Variants in GSE1 observed in about 807,000 individuals in gnomAD.
GSE1 encodes the protein Gse1 coiled-coil protein, also known as genetic suppressor element 1.
Under a neutral mutation model 112.6 loss-of-function variants are expected in GSE1, and 32 were observed. That is an observed-to-expected ratio of 0.28 (90% CI 0.21 to 0.38). The LOEUF (loss-of-function observed/expected upper bound fraction) is 0.38, where lower values mean the gene tolerates loss of function less well. GSE1 is among the 10% of genes least tolerant of loss of function. GSE1 has a pLI of 1.00. For synonymous variants in GSE1, 1,115 were observed against 735.6 expected (o/e 1.52, Z -8.35); for missense variants, 2,348 against 1,699.2 (o/e 1.38, Z -6.71).
At chr16:85,324,092 G>T (rs4783161) in intron 1 of GSE1, among the ~76,000 whole-genome samples, 129,223 of 152,244 alleles carry the variant, frequency 0.85, 55,142 homozygotes, top group East Asian at 1. Context: ...TTGGAACCCT[G>T]GTGCACAGCT....
intron 2 of GSE1, among the ~76,000 whole-genome samples, chr16:85,365,393 C>T (rs1461373032): frequency 6.6e-6 from 1 of 152,254 alleles, no homozygotes; most frequent in African/African-American, 2.4e-5. Flanking sequence ...CTTCACTCTT[C>T]TCTTTTCCCT....
intron 1 of GSE1, among the ~76,000 whole-genome samples, chr16:85,618,181 C>G (rs955014688): frequency 3.3e-5 from 5 of 152,054 alleles, no homozygotes; most frequent in African/African-American, 1.2e-4. Flanking sequence ...GTAATAGTGG[C>G]TTTGGGATCA....
At chr16:85,253,572 G>T (rs993183511) in intron 1 of GSE1, among the ~76,000 whole-genome samples, 1 of 152,178 alleles carries the variant, frequency 6.6e-6, no homozygotes, top group African/African-American at 2.4e-5. Context: ...CCCTCCCAGG[G>T]CTCACTGTGC....
intron 1 of GSE1, among the ~76,000 whole-genome samples, chr16:85,272,777 CTTTT>C (rs1204820536): frequency 9.9e-5 from 13 of 131,406 alleles, no homozygotes; most frequent in African/African-American, 2.8e-4. Flanking sequence ...CTTCTCTTTT[CTTTT>C]TTTTTTTTTT....
chr16:85,654,748 G>T (rs746591206), intron 4 of GSE1, 46 bp from the exon 5 acceptor site: 138 of 1,213,386 alleles, frequency 1.1e-4, no homozygotes, highest in Non-Finnish European at 1.6e-4. Flanking sequence ...GCAGGAGCAG[G>T]TGTGCACTCA....
At chr16:85,171,297 C>A (rs911529237) in exon 1 of GSE1, 1 of 985,422 alleles carries the variant, frequency 1.0e-6, no homozygotes, top group African/African-American at 1.7e-5. Context: ...GCCCCGTGTC[C>A]ATCTGCTACA....
chr16:85,620,286 G>A (rs1286090257), intron 1 of GSE1, among the ~76,000 whole-genome samples: 1 of 152,098 alleles, frequency 6.6e-6, no homozygotes, highest in Non-Finnish European at 1.5e-5. Flanking sequence ...CGGGACTCTT[G>A]TCTCAGCAAA....
At chr16:85,657,673 A>C (rs1598636480) in intron 8 of GSE1, 69 bp downstream of exon 8, 4 of 1,098,940 alleles carry the variant, frequency 3.6e-6, no homozygotes, top group East Asian at 3.0e-5. Context: ...TGTATTGAGC[A>C]CCTCCTGTTT....
rs968843264 is a variant in GSE1, at chr16:85,656,393, G to A, written c.1040G>A (p.Arg347His). Residue 347 changes from arginine to histidine, a missense_variant, in exon 7 of 16, where the codon CGC becomes CAC. Coordinates refer to ENST00000253458, the MANE Select transcript of GSE1 (RefSeq NM_014615.5). ...CGGGAGAGGGAGCGCGAGCGCGAGC[G>A]CGAGCGTGAGCGTGAGGCTGACCGC... is the stretch of plus-strand genomic sequence containing the variant. The part of the protein sequence containing the change: ...LRRERERERE[R>H]EREREADRER... 9 of 1,569,954 alleles carry A rather than the reference G, an allele frequency of 5.7e-6. No individual in the cohort carries two copies. Among genetic ancestry groups the A allele is most frequent in the East Asian group, 2.3e-5 (1 of 43,638 alleles).
At chr16:85,346,646 G>A (rs2151550911) in intron 1 of GSE1, among the ~76,000 whole-genome samples, 1 of 151,726 alleles carries the variant, frequency 6.6e-6, no homozygotes, top group Non-Finnish European at 1.5e-5. Context: ...CAGGTAGATG[G>A]ATAAGTGGTG....
At chr16:85,536,028 G>A (rs1373043626) in intron 2 of GSE1, among the ~76,000 whole-genome samples, 1 of 152,254 alleles carries the variant, frequency 6.6e-6, no homozygotes, top group Non-Finnish European at 1.5e-5. Flanking sequence ...CATCAGGACA[G>A]GGGCTGCAAG....
intron 2 of GSE1, among the ~76,000 whole-genome samples, chr16:85,364,910 C>T (rs911516887): frequency 2.3e-4 from 35 of 152,356 alleles, no homozygotes; most frequent in Admixed American, 8.5e-4. Flanking sequence ...TGTCTGTGCG[C>T]TGCCCAGGCA....
chr16:85,281,577 A>G (rs1311804129), intron 1 of GSE1, among the ~76,000 whole-genome samples: 2 of 152,134 alleles, frequency 1.3e-5, no homozygotes, highest in Admixed American at 1.3e-4. Context: ...ACTTTCAAGG[A>G]TTCCATTTTT....
At chr16:85,376,778 G>C (rs1391231402) in intron 2 of GSE1, among the ~76,000 whole-genome samples, 2 of 152,232 alleles carry the variant, frequency 1.3e-5, no homozygotes, top group Non-Finnish European at 2.9e-5. Flanking sequence ...AGAGCAGGGG[G>C]CTGGGGCTGG....
chr16:85,453,354 A>C (rs1266217738), intron 2 of GSE1, among the ~76,000 whole-genome samples: 1 of 152,102 alleles, frequency 6.6e-6, no homozygotes, highest in African/African-American at 2.4e-5. Context: ...CAGTGTGTAC[A>C]AAGGACTCAG....
At chr16:85,372,677 T>C (rs1394579083) in intron 2 of GSE1, among the ~76,000 whole-genome samples, 1 of 152,118 alleles carries the variant, frequency 6.6e-6, no homozygotes, top group Non-Finnish European at 1.5e-5. Flanking sequence ...ACCATATTCC[T>C]TCTGGGTCTT....
intron 2 of GSE1, among the ~76,000 whole-genome samples, chr16:85,514,434 C>T (rs968519289): frequency 1.1e-4 from 13 of 114,248 alleles, no homozygotes; most frequent in African/African-American, 2.6e-4. Flanking sequence ...AGTCCCCCCC[C>T]CCACCCCAGG....
intron 2 of GSE1, among the ~76,000 whole-genome samples, chr16:85,420,393 T>C (rs77388177): frequency 1.3e-5 from 2 of 152,108 alleles, no homozygotes; most frequent in Admixed American, 1.3e-4. Flanking sequence ...TTTGTAGCTC[T>C]GGCAGCCCTG....
At chr16:85,510,637 C>A (rs2051710890) in intron 2 of GSE1, among the ~76,000 whole-genome samples, 5 of 152,216 alleles carry the variant, frequency 3.3e-5, no homozygotes, top group African/African-American at 7.2e-5. Context: ...GAGGCTGCCC[C>A]CCAAGTGTGG....
Sources: allele counts gnomAD v4.1 joint callset (sites outside exome capture counted in the v4.1 genomes callset), GRCh38; gene constraint gnomAD v4.1.1; transcripts MANE v1.5; gene names NCBI Gene and HGNC (gene_info 2026-07-23, HGNC 2026-07-21).